Variants in ZSCAN5A observed in about 807,000 individuals in gnomAD.
The protein encoded by ZSCAN5A is zinc finger and SCAN domain-containing protein 5A.
Under a neutral mutation model 23.7 loss-of-function variants are expected in ZSCAN5A, and 12 were observed. The observed-to-expected ratio is 0.51, with a 90% CI of 0.32 to 0.82. ZSCAN5A has a LOEUF of 0.82. Among genes scored for constraint, ZSCAN5A ranks in the 40% least tolerant of loss-of-function variants. The pLI, the probability that ZSCAN5A is intolerant of heterozygous loss-of-function variation, is 0.03. For synonymous variants in ZSCAN5A, 257 were observed against 239.9 expected (o/e 1.07, Z -0.66); for missense variants, 597 against 617.9 (o/e 0.97, Z 0.36).
chr19:56,264,725 G>A (rs74578931), intron 2 of ZSCAN5A, among the ~76,000 whole-genome samples: 4,778 of 152,274 alleles, frequency 0.031, 238 homozygotes, highest in African/African-American at 0.11. Flanking sequence ...AATTGCGACA[G>A]GGACCATATG....
At chr19:56,325,979 C>A (rs2041428988) in intron 2 of ZSCAN5A, among the ~76,000 whole-genome samples, 1 of 151,598 alleles carries the variant, frequency 6.6e-6, no homozygotes, top group Non-Finnish European at 1.5e-5. Context: ...GTTGCCCAGG[C>A]TGGAGTGCAG....
chr19:56,284,673 T>C (rs6509987), intron 2 of ZSCAN5A, among the ~76,000 whole-genome samples: 135,482 of 151,872 alleles, frequency 0.89, 60,957 homozygotes, highest in Middle Eastern at 0.94. Context: ...CACCACCATG[T>C]CTGCCTAATT....
chr19:56,292,543 C>G lies in ZSCAN5A; in HGVS notation c.-128+20740G>C, dbSNP rs576308571. On this transcript the variant is annotated intron_variant, in intron 2 of 5. Transcript: ENST00000683990. ...GCTCAAGCAATCCTCCTACCTCAGC[C>G]TCCCAAAGCACTGGGATCACAGGCA... 2.0e-5 allele frequency among the ~76,000 whole-genome samples: 3 copies of G among 151,798 alleles called. No individual in the cohort carries two copies. In the South Asian group the frequency reaches 6.2e-4, roughly 32 times the overall value.
chr19:56,238,871 A>G lies in ZSCAN5A; in HGVS notation c.-127-13698T>C, dbSNP rs575814703. On this transcript the variant is annotated intron_variant, in intron 2 of 5. Coordinates refer to ENST00000683990, the MANE Select transcript of ZSCAN5A (RefSeq NM_001322064.3). ...TCCTTATGAGAACATGACATGTTTC[A>G]AGAGGAGAGGACTGGAGGGAATTGG... Among the ~76,000 whole-genome samples the G allele has an allele frequency of 9.2e-5, 14 of 151,942 alleles. No homozygotes were observed. The East Asian group carries it at 2.7e-3, about 29-fold the overall frequency.
chr19:56,234,353 A>C lies in ZSCAN5A; in HGVS notation c.-127-9180T>G, dbSNP rs1054318227. Among the ~76,000 whole-genome samples the C allele has an allele frequency of 2.6e-5, 4 of 152,216 alleles. 1 individual carries two copies. The highest frequency in any genetic ancestry group is 3.8e-4 in the East Asian group (2 of 5,202). Reference sequence around the variant, plus strand: ...AGCCATGCAGGGTGAACAAGCTCTGAAGATATATTATACGGACTAGGGGTT... The same window carrying C: ...AGCCATGCAGGGTGAACAAGCTCTGCAGATATATTATACGGACTAGGGGTT... On this transcript the variant is annotated intron_variant, in intron 2 of 5. Transcript: ENST00000683990.
intron 2 of ZSCAN5A, among the ~76,000 whole-genome samples, chr19:56,294,259 C>T (rs935608258): frequency 2.6e-5 from 4 of 152,202 alleles, no homozygotes; most frequent in African/African-American, 9.7e-5. Flanking sequence ...GGGCGATTCA[C>T]GTGGGCTCTT....
intron 2 of ZSCAN5A, among the ~76,000 whole-genome samples, chr19:56,270,893 T>C (rs924930005): frequency 1.3e-5 from 2 of 152,136 alleles, no homozygotes; most frequent in African/African-American, 4.8e-5. Flanking sequence ...GCTGTGCCAA[T>C]GGTGAGAAAT....
chr19:56,231,892 ATCATCTGTCCCTCCCACAGCTC>A (rs1568619483), intron 2 of ZSCAN5A, among the ~76,000 whole-genome samples: 7 of 151,866 alleles, frequency 4.6e-5, no homozygotes, highest in African/African-American at 1.7e-4. Context: ...CAGGCTCTTC[ATCATCTGTCCCTCCCACAGCTC>A]CATCCCTGGA....
chr19:56,244,112 C>T, intron 2 of ZSCAN5A: 2 of 1,533,572 alleles, frequency 1.3e-6, no homozygotes, highest in East Asian at 2.3e-5. Flanking sequence ...AGAGCCGCCA[C>T]AGTCTGTGGC....
Position 56,221,987 on chromosome 19 carries a change from A to G in ZSCAN5A, c.1079T>C (p.Val360Ala). 1 of 1,614,188 alleles carries G rather than the reference A, an allele frequency of 6.2e-7. No homozygotes were observed. The highest frequency in any genetic ancestry group is 8.5e-7 in the Non-Finnish European group (1 of 1,180,036). The change falls in exon 6 of 6, where the codon GTG (valine) becomes GCG (alanine). Residue 360 changes from valine to alanine, a missense_variant. Val to Ala is a moderately conservative substitution (Grantham distance 64). This residue lies in a region of ZSCAN5A where 406 missense variants were observed against 353.2 expected (regional missense o/e 1.15). Coordinates refer to ENST00000683990, the MANE Select transcript of ZSCAN5A (RefSeq NM_001322064.3). ...AKALPPFACD[V>A]CEKRFTCNSK... ...ATTACACGTAAACCTCTTCTCGCACACGTCACATGCAAAGGGCGGCAGTGC... is the reference window on the plus strand; with the variant it reads ...ATTACACGTAAACCTCTTCTCGCACGCGTCACATGCAAAGGGCGGCAGTGC...
chr19:56,252,316 C>A (rs964939576), intron 2 of ZSCAN5A, among the ~76,000 whole-genome samples: 1 of 152,166 alleles, frequency 6.6e-6, no homozygotes, highest in Non-Finnish European at 1.5e-5. Flanking sequence ...GCTGTAACAA[C>A]GCAAAGGTTG....
chr19:56,270,878 T>C (rs1420356656), intron 2 of ZSCAN5A, among the ~76,000 whole-genome samples: 1 of 152,152 alleles, frequency 6.6e-6, no homozygotes, highest in Non-Finnish European at 1.5e-5. Flanking sequence ...TAGTCCTAAA[T>C]GTCAGCTGTG....
In ZSCAN5A at chr19:56,298,635, G is replaced by C. The variant is rs562032648; in HGVS notation, c.-128+14648C>G. 2.9e-5 allele frequency among the ~76,000 whole-genome samples: 4 copies of C among 138,108 alleles called. No individual in the cohort carries two copies. The East Asian group carries it at 7.9e-4, about 27-fold the overall frequency. The allele number at this position is 138,108 out of a possible 152,430, so 90.6% of individuals were successfully genotyped here. ...GCCACTGTACTCCAGACTGGCAACAGAGCAAGACTCCATCTCAAAAAAAAA... is the reference window on the plus strand; with the variant it reads ...GCCACTGTACTCCAGACTGGCAACACAGCAAGACTCCATCTCAAAAAAAAA... On this transcript the variant is annotated intron_variant, in intron 2 of 5. Coordinates refer to ENST00000683990, the MANE Select transcript of ZSCAN5A (RefSeq NM_001322064.3).
intron 2 of ZSCAN5A, among the ~76,000 whole-genome samples, chr19:56,253,620 T>C (rs1285735853): frequency 2.4e-5 from 2 of 83,662 alleles, no homozygotes; most frequent in African/African-American, 1.0e-4. Flanking sequence ...AGGGTTGTGA[T>C]ATTAAGGACT....
intron 3 of ZSCAN5A, 84 bp from the exon 4 acceptor site, chr19:56,223,918 A>T (rs956407104): frequency 8.3e-7 from 1 of 1,206,388 alleles, no homozygotes; most frequent in Non-Finnish European, 1.2e-6. Context: ...CATAATGCTC[A>T]CACTTTACTG....
chr19:56,247,754 C>A (rs140540920), intron 2 of ZSCAN5A, among the ~76,000 whole-genome samples: 1 of 151,638 alleles, frequency 6.6e-6, no homozygotes. Flanking sequence ...TGCAGTGGTG[C>A]GATCTCGGCT....
chr19:56,295,646 G>A (rs964841852), intron 2 of ZSCAN5A, among the ~76,000 whole-genome samples: 10 of 152,058 alleles, frequency 6.6e-5, no homozygotes, highest in Non-Finnish European at 1.3e-4. Context: ...TGGGAATGGC[G>A]TGGCGGCTTC....
chr19:56,359,270 C>G (rs58129651), intron 2 of ZSCAN5A, among the ~76,000 whole-genome samples: 2 of 151,998 alleles, frequency 1.3e-5, no homozygotes, highest in African/African-American at 4.8e-5. Context: ...CACAGAGATA[C>G]AAACTACTGT....
chr19:56,319,937 T>G (rs1223523266), intron 2 of ZSCAN5A: 1 of 1,299,532 alleles, frequency 7.7e-7, no homozygotes, highest in Non-Finnish European at 1.1e-6. Flanking sequence ...TCCATTTTTA[T>G]TCAAATCGAC....
Sources: allele counts gnomAD v4.1 joint callset (sites outside exome capture counted in the v4.1 genomes callset), GRCh38; gene constraint gnomAD v4.1.1; regional missense constraint gnomAD v4.1.1; transcripts MANE v1.5; gene names NCBI Gene and HGNC (gene_info 2026-07-23, HGNC 2026-07-21).